Variants in ROBO2 observed in about 807,000 individuals in gnomAD.
ROBO2 encodes roundabout guidance receptor 2, also known as roundabout homolog 2.
Under a neutral mutation model 160.8 loss-of-function variants are expected in ROBO2, and 53 were observed. The ratio of observed to expected loss-of-function variants is 0.33; its 90% CI spans 0.26 to 0.41. ROBO2 has a LOEUF of 0.41. Among genes scored for constraint, ROBO2 ranks in the 10% least tolerant of loss-of-function variants. The probability of loss-of-function intolerance (pLI) is 1.00; values close to 1 mark genes in which losing one functional copy is unlikely to be tolerated. For missense variants in ROBO2, 1,577 were observed against 1,722.4 expected (o/e 0.92, Z 1.49); for synonymous variants, 664 against 611.7 (o/e 1.09, Z -1.26).
chr3:75,961,150 C>A (rs1321921354), intron 2 of ROBO2, among the ~76,000 whole-genome samples: 1 of 151,544 alleles, frequency 6.6e-6, no homozygotes, highest in Non-Finnish European at 1.5e-5. Flanking sequence ...ATTTTGCTTT[C>A]TTATTTCTAG....
intron 2 of ROBO2, among the ~76,000 whole-genome samples, chr3:76,175,182 G>A (rs759756148): frequency 2.0e-5 from 3 of 151,914 alleles, no homozygotes; most frequent in Non-Finnish European, 4.4e-5. Flanking sequence ...TGGTGTATAG[G>A]AACGCTTGTG....
At chr3:75,975,213 A>G (rs72890319) in intron 2 of ROBO2, among the ~76,000 whole-genome samples, 7,713 of 151,490 alleles carry the variant, frequency 0.051, 615 homozygotes, top group African/African-American at 0.17. Flanking sequence ...ATATTGGCAA[A>G]TTGGGTAAAT....
chr3:76,294,688 A>G (rs917198446), intron 2 of ROBO2, among the ~76,000 whole-genome samples: 2 of 152,220 alleles, frequency 1.3e-5, no homozygotes, highest in Non-Finnish European at 2.9e-5. Context: ...AAAATGGTGT[A>G]TTATGACAAG....
intron 2 of ROBO2, among the ~76,000 whole-genome samples, chr3:76,175,670 C>A (rs2073203626): frequency 6.6e-6 from 1 of 152,072 alleles, no homozygotes; most frequent in African/African-American, 2.4e-5. Context: ...TGGTTCCTGA[C>A]TTTGCCCTAG....
At chr3:77,188,976 A>T (rs1483446499) in intron 2 of ROBO2, among the ~76,000 whole-genome samples, 36 of 145,504 alleles carry the variant, frequency 2.5e-4, no homozygotes, top group Non-Finnish European at 4.2e-4. Flanking sequence ...TGTGAGAGAG[A>T]GAGAGAGAGA....
intron 2 of ROBO2, among the ~76,000 whole-genome samples, chr3:76,515,980 A>G (rs1314866778): frequency 2.6e-5 from 4 of 152,198 alleles, no homozygotes; most frequent in African/African-American, 9.6e-5. Context: ...GAGAAAGTGA[A>G]AAGTCAAAAA....
chr3:76,251,178 A>G (rs1166443687), intron 2 of ROBO2, among the ~76,000 whole-genome samples: 3 of 152,040 alleles, frequency 2.0e-5, no homozygotes, highest in Admixed American at 1.3e-4. Context: ...AACTGAAGAT[A>G]GATGACCAAA....
chr3:76,043,778 A>G (rs1214459650), intron 2 of ROBO2, among the ~76,000 whole-genome samples: 9 of 151,940 alleles, frequency 5.9e-5, no homozygotes, highest in African/African-American at 2.4e-5. Context: ...TTTTAGTATC[A>G]TGCTAAGCAT....
chr3:75,913,060 T>A lies in ROBO2; in HGVS notation c.-14+6100T>A, dbSNP rs572265221. ...AAGTCACTGTGTCTGCAGTGTTGGT[T>A]CCTTCTGGAGGTGCTGAGGGGAGAA... On this transcript the variant is annotated intron_variant, in intron 1 of 26. Transcript: ENST00000487694. Among the ~76,000 whole-genome samples the A allele has an allele frequency of 5.9e-5, 9 of 152,330 alleles. No individual in the cohort carries two copies. The South Asian group carries it at 1.9e-3, about 32-fold the overall frequency.
chr3:76,197,570 A>C (rs939524168), intron 2 of ROBO2, among the ~76,000 whole-genome samples: 1 of 152,168 alleles, frequency 6.6e-6, no homozygotes, highest in Non-Finnish European at 1.5e-5. Flanking sequence ...CTGGGACTGG[A>C]TATAATATAC....
intron 2 of ROBO2, among the ~76,000 whole-genome samples, chr3:76,562,800 T>A (rs939866897): frequency 1.3e-5 from 2 of 152,210 alleles, no homozygotes; most frequent in African/African-American, 4.8e-5. Flanking sequence ...TTATTCTTTT[T>A]CTGTGATGAC....
At chr3:76,136,229 C>T (rs760883160) in intron 2 of ROBO2, among the ~76,000 whole-genome samples, 2 of 152,092 alleles carry the variant, frequency 1.3e-5, no homozygotes, top group Non-Finnish European at 2.9e-5. Flanking sequence ...CAAATACTAG[C>T]TTCTCAACCT....
chr3:77,063,102 TA>T (rs747252696), intron 1 of ROBO2, among the ~76,000 whole-genome samples: 1 of 152,116 alleles, frequency 6.6e-6, no homozygotes, highest in African/African-American at 2.4e-5. Flanking sequence ...AGCTCAGAAG[TA>T]AACTGGTGGA....
intron 2 of ROBO2, among the ~76,000 whole-genome samples, chr3:76,302,796 C>A (rs1709429503): frequency 6.6e-6 from 1 of 151,962 alleles, no homozygotes; most frequent in Non-Finnish European, 1.5e-5. Context: ...GATGGGATCA[C>A]CCGGTGATGC....
At position 77,250,460 on chromosome 3, in the gene ROBO2, C is replaced by T. The variant is rs149522567; in HGVS notation, c.388+152120C>T. 2.7e-3 allele frequency among the ~76,000 whole-genome samples: 410 copies of T among 152,224 alleles called. 3 individuals are homozygous for T. Among genetic ancestry groups the T allele is most frequent in the African/African-American group, 8.8e-3 (365 of 41,544 alleles). ...CCTCCTTCACACCTTCTCCTGCTGG[C>T]GAGACGTTGTTAGGTTCCATATATC... is the stretch of plus-strand genomic sequence containing the variant. On this transcript the variant is annotated intron_variant, in intron 2 of 25. Transcript: ENST00000461745.
chr3:76,026,965 G>C (rs2066768623), intron 2 of ROBO2, among the ~76,000 whole-genome samples: 1 of 151,914 alleles, frequency 6.6e-6, no homozygotes, highest in African/African-American at 2.4e-5. Context: ...ACAAGATACT[G>C]ATTACAGAGA....
At chr3:76,320,950 GTCTA>G (rs2072468944) in intron 2 of ROBO2, among the ~76,000 whole-genome samples, 1 of 152,122 alleles carries the variant, frequency 6.6e-6, no homozygotes, top group Non-Finnish European at 1.5e-5. Context: ...AATATTTGTA[GTCTA>G]TCTACTATAG....
rs114197793 is a variant in ROBO2, at chr3:76,486,446, G to A, written c.109+548844G>A. On this transcript the variant is annotated intron_variant, in intron 2 of 26. Transcript: ENST00000487694. ...TTGAGTCATGACAATGTTGAACAGC[G>A]TTGGTGGTTTAGATGCAACACCTAT... Among the ~76,000 whole-genome samples, 408 of 152,244 alleles carry A rather than the reference G, an allele frequency of 2.7e-3. 4 individuals carry two copies. The highest frequency in any genetic ancestry group is 9.4e-3 in the African/African-American group (392 of 41,548).
At chr3:75,938,153 G>T (rs1947882257) in intron 2 of ROBO2, among the ~76,000 whole-genome samples, 1 of 151,978 alleles carries the variant, frequency 6.6e-6, no homozygotes, top group Non-Finnish European at 1.5e-5. Flanking sequence ...GGAAATTAAT[G>T]ATAGAGTGGA....
Sources: gnomAD v4.1 joint callset for allele counts (sites outside exome capture counted in the v4.1 genomes callset) on GRCh38, gnomAD v4.1.1 for gene constraint, MANE v1.5 for transcripts, NCBI Gene and HGNC (gene_info 2026-07-23, HGNC 2026-07-21) for gene names.